The following KCNQ3 variants were observed in gnomAD, a reference collection of about 807,000 sequenced individuals.
The protein encoded by KCNQ3 is potassium voltage-gated channel subfamily Q member 3.
In KCNQ3, 30 loss-of-function variants were observed where a neutral mutation model predicts 92.5. That is an observed-to-expected ratio of 0.32 (90% CI 0.24 to 0.44). KCNQ3 has a LOEUF of 0.44. Ranked by LOEUF, KCNQ3 falls within the 20% of genes least tolerant of loss-of-function variation. KCNQ3 has a pLI of 1.00. For synonymous variants in KCNQ3, 450 were observed against 468.8 expected (o/e 0.96, Z 0.52); for missense variants, 913 against 1,140.3 (o/e 0.80, Z 2.87).
chr8:132,445,188 T>A (rs1297986770), intron 1 of KCNQ3, among the ~76,000 whole-genome samples: 1 of 152,164 alleles, frequency 6.6e-6, no homozygotes, highest in Non-Finnish European at 1.5e-5. Context: ...TCCCAAATGC[T>A]CTTAATTGTG....
intron 1 of KCNQ3, among the ~76,000 whole-genome samples, chr8:132,216,931 G>A (rs917941857): frequency 6.6e-6 from 1 of 151,994 alleles, no homozygotes; most frequent in African/African-American, 2.4e-5. Flanking sequence ...ATTTTGCAAG[G>A]CTGGTAAACT....
intron 1 of KCNQ3, among the ~76,000 whole-genome samples, chr8:132,299,220 G>GA (rs1003483199): frequency 5.3e-5 from 8 of 151,138 alleles, no homozygotes; most frequent in African/African-American, 1.9e-4. Flanking sequence ...GGCATGCAAT[G>GA]ATGCAATGCA....
chr8:132,461,724 T>C (rs1822065774), intron 1 of KCNQ3, among the ~76,000 whole-genome samples: 1 of 152,214 alleles, frequency 6.6e-6, no homozygotes, highest in Non-Finnish European at 1.5e-5. Context: ...CCCATTCAAA[T>C]AGGTGTGTAG....
chr8:132,366,128 T>A (rs1423274753), intron 1 of KCNQ3, among the ~76,000 whole-genome samples: 1 of 152,232 alleles, frequency 6.6e-6, no homozygotes, highest in Non-Finnish European at 1.5e-5. Flanking sequence ...CGTTAGTCTC[T>A]CCCATTTATT....
chr8:132,393,623 C>T (rs1318621009), intron 1 of KCNQ3, among the ~76,000 whole-genome samples: 2 of 152,162 alleles, frequency 1.3e-5, no homozygotes, highest in Admixed American at 6.5e-5. Context: ...AATGATTTAA[C>T]AACTAAATTT....
intron 1 of KCNQ3, among the ~76,000 whole-genome samples, chr8:132,273,510 AG>A (rs1816228918): frequency 6.6e-6 from 1 of 152,222 alleles, no homozygotes; most frequent in Admixed American, 6.5e-5. Context: ...GCTGCCGTGA[AG>A]ACCTCTGACA....
intron 1 of KCNQ3, among the ~76,000 whole-genome samples, chr8:132,260,608 A>G (rs1412453994): frequency 6.6e-6 from 1 of 152,210 alleles, no homozygotes; most frequent in South Asian, 2.1e-4. Context: ...TGGGGTAGGC[A>G]TTAGCTGAAA....
At chr8:132,142,585 TTTTCGCCCAGTGGTATACTC>T (rs1825330358) in intron 9 of KCNQ3, among the ~76,000 whole-genome samples, 1 of 152,160 alleles carries the variant, frequency 6.6e-6, no homozygotes, top group African/African-American at 2.4e-5. Flanking sequence ...ACATTGCGTG[TTTTCGCCCAGTGGTATACTC>T]AATGCAGCAG....
intron 1 of KCNQ3, among the ~76,000 whole-genome samples, chr8:132,221,343 A>G (rs79730307): frequency 0.067 from 10,142 of 152,222 alleles, 439 homozygotes; most frequent in African/African-American, 0.11. Flanking sequence ...TAATGGGAGC[A>G]CTGGGTCAAA....
At chr8:132,138,776 C>T (rs183986278) in intron 11 of KCNQ3, among the ~76,000 whole-genome samples, 12 of 152,298 alleles carry the variant, frequency 7.9e-5, no homozygotes, top group Admixed American at 4.6e-4. Context: ...TTGCGCAAGT[C>T]GTTTTAATGG....
intron 1 of KCNQ3, among the ~76,000 whole-genome samples, chr8:132,193,722 C>T (rs563666298): frequency 1.3e-4 from 20 of 152,258 alleles, no homozygotes; most frequent in African/African-American, 4.6e-4. Context: ...AGCAACACTG[C>T]GAGGAAGGGG....
chr8:132,171,765 TG>T (rs1826360022), intron 7 of KCNQ3, among the ~76,000 whole-genome samples: 1 of 152,170 alleles, frequency 6.6e-6, no homozygotes, highest in Non-Finnish European at 1.5e-5. Flanking sequence ...CTCTTCCCTA[TG>T]GGTCCCTAGG....
intron 1 of KCNQ3, among the ~76,000 whole-genome samples, chr8:132,278,688 C>A (rs74740516): frequency 0.011 from 1,713 of 152,310 alleles, 11 homozygotes; most frequent in Non-Finnish European, 0.016. Context: ...GCTAGACATG[C>A]AGAATTGCAG....
At chr8:132,175,640 G>T (rs779274040) in intron 4 of KCNQ3, 32 bp from the exon 5 acceptor site, 1 of 1,609,938 alleles carries the variant, frequency 6.2e-7, no homozygotes, top group Admixed American at 1.7e-5. Context: ...ATGAAAAGTG[G>T]TCACTGGGGA....
intron 1 of KCNQ3, among the ~76,000 whole-genome samples, chr8:132,428,280 G>T (rs1418388090): frequency 6.6e-6 from 1 of 151,982 alleles, no homozygotes; most frequent in Non-Finnish European, 1.5e-5. Context: ...TGCTGTCTAG[G>T]CATTCTTCTC....
At chr8:132,458,772 T>C (rs1273536292) in intron 1 of KCNQ3, among the ~76,000 whole-genome samples, 1 of 152,238 alleles carries the variant, frequency 6.6e-6, no homozygotes, top group African/African-American at 2.4e-5. Context: ...GTTTTCAATT[T>C]AGAGAAATAC....
intron 4 of KCNQ3, among the ~76,000 whole-genome samples, chr8:132,176,538 C>T (rs190034895): frequency 6.6e-6 from 1 of 152,304 alleles, no homozygotes; most frequent in East Asian, 1.9e-4. Flanking sequence ...CAAAGTTGTT[C>T]ACATTGATAT....
chr8:132,312,377 C>T (rs144881318), intron 1 of KCNQ3, among the ~76,000 whole-genome samples: 111 of 152,206 alleles, frequency 7.3e-4, no homozygotes, highest in Non-Finnish European at 1.4e-3. Context: ...CTTTTCAGCT[C>T]CAGGGAAAAG....
chr8:132,467,023 ACT>A (rs1822188190), intron 1 of KCNQ3, among the ~76,000 whole-genome samples: 2 of 151,990 alleles, frequency 1.3e-5, no homozygotes, highest in African/African-American at 4.8e-5. Context: ...TCATCCCCAC[ACT>A]CTGTTGGCCA....
Sources: gnomAD v4.1 joint callset for allele counts (sites outside exome capture counted in the v4.1 genomes callset) on GRCh38, gnomAD v4.1.1 for gene constraint, MANE v1.5 for transcripts, NCBI Gene and HGNC (gene_info 2026-07-23, HGNC 2026-07-21) for gene names.